RPE65: variants seen among roughly 807,000 people sequenced by gnomAD.
RPE65 encodes retinoid isomerohydrolase RPE65.
In RPE65, 58 loss-of-function variants were observed where a neutral mutation model predicts 68.5. The ratio of observed to expected loss-of-function variants is 0.85; its 90% CI spans 0.69 to 1.05. The LOEUF is 1.05. Ranked by LOEUF, RPE65 falls within the 50% of genes least tolerant of loss-of-function variation. RPE65 has a pLI of 0.00. For synonymous variants in RPE65, 220 were observed against 222.2 expected (o/e 0.99, Z 0.09); for missense variants, 643 against 629.9 (o/e 1.02, Z -0.22).
intron 1 of RPE65, among the ~76,000 whole-genome samples, chr1:68,449,426 T>C (rs1249868959): frequency 3.3e-5 from 5 of 152,222 alleles, no homozygotes; most frequent in African/African-American, 1.2e-4. Flanking sequence ...CTGACCAGAC[T>C]CAATTATAAT....
chr1:68,430,455 G>C (rs1645818090), intron 13 of RPE65, among the ~76,000 whole-genome samples: 1 of 152,190 alleles, frequency 6.6e-6, no homozygotes, highest in African/African-American at 2.4e-5. Flanking sequence ...AAATCATTTA[G>C]TGTGAAATGG....
rs1360779220 is a variant in RPE65 at position 68,444,541 on chromosome 1, G to A, written c.485C>T (p.Thr162Ile). 3 of 1,614,010 alleles carry A rather than the reference G, an allele frequency of 1.9e-6. No individual in the cohort carries two copies. Among genetic ancestry groups the A allele is most frequent in the African/African-American group, 1.3e-5 (1 of 75,010 alleles). ...ITKINPETLETIKQVDLCNYV... is the reference protein window; with the variant it reads ...ITKINPETLEIIKQVDLCNYV... Reference sequence around the variant, plus strand: ...AGCACTGTGTCCCACCTGCTTAATTGTCTCCAAGGTCTCTGGATTAATCTT... The same window carrying A: ...AGCACTGTGTCCCACCTGCTTAATTATCTCCAAGGTCTCTGGATTAATCTT... Residue 162 changes from threonine (T) to isoleucine (I), a missense_variant, in exon 5 of 14, where the codon ACA (threonine) becomes ATA (isoleucine). Physicochemically the swap from Thr to Ile is moderately conservative, Grantham distance 89. Transcript: ENST00000262340.
chr1:68,438,022 T>C (rs1353672299), intron 10 of RPE65, among the ~76,000 whole-genome samples, 165 bp downstream of exon 10: 1 of 152,200 alleles, frequency 6.6e-6, no homozygotes, highest in East Asian at 1.9e-4. Flanking sequence ...TCTTCTGAGC[T>C]TTAGTTTCAT....
intron 1 of RPE65, among the ~76,000 whole-genome samples, chr1:68,449,035 G>A (rs376600969): frequency 1.3e-5 from 2 of 151,970 alleles, no homozygotes; most frequent in Non-Finnish European, 2.9e-5. Context: ...TCCTTACTTC[G>A]GAAGACAAAT....
intron 5 of RPE65, among the ~76,000 whole-genome samples, chr1:68,442,523 A>G (rs1645910520): frequency 1.3e-5 from 2 of 152,226 alleles, no homozygotes; most frequent in Non-Finnish European, 2.9e-5. Context: ...ATATTTTAAA[A>G]AATTGCTACT....
Position 68,440,891 on chromosome 1 carries a change from A to G in RPE65, c.605T>C (p.Ile202Thr). ...TGGGATCTTTACAATGTTGTAGGCA[A>G]TTGAAAAATTTTTTCCAAAGCAATT... ...IGNCFGKNFS[I>T]AYNIVKIPPL... The change falls in exon 6 of 14, where the codon ATT (isoleucine) becomes ACT (threonine). Residue 202 changes from isoleucine (I) to threonine (T), a missense_variant. Coordinates refer to ENST00000262340, the MANE Select transcript of RPE65 (RefSeq NM_000329.3). The G allele has an allele frequency of 6.2e-7, 1 of 1,614,050 alleles. No homozygotes were observed. The highest frequency in any genetic ancestry group is 2.2e-5 in the East Asian group (1 of 44,878).
At chr1:68,441,471 G>A (rs1240561256) in intron 5 of RPE65, among the ~76,000 whole-genome samples, 3 of 151,496 alleles carry the variant, frequency 2.0e-5, no homozygotes, top group Non-Finnish European at 4.4e-5. Context: ...GAACTGAAAG[G>A]GACTTCAAGC....
intron 2 of RPE65, among the ~76,000 whole-genome samples, chr1:68,448,343 A>C (rs893654226): frequency 6.6e-6 from 1 of 152,228 alleles, no homozygotes; most frequent in African/African-American, 2.4e-5. Flanking sequence ...TAGGACATTT[A>C]CTATGTGCCA....
chr1:68,430,168 C>T (rs985580136), intron 13 of RPE65, among the ~76,000 whole-genome samples: 11 of 152,156 alleles, frequency 7.2e-5, no homozygotes, highest in African/African-American at 2.7e-4. Flanking sequence ...CTGTCTTGCT[C>T]ACTGCTATAT....
At chr1:68,430,044 C>A in intron 13 of RPE65, 117 bp from the exon 14 acceptor site, 1 of 1,352,076 alleles carries the variant, frequency 7.4e-7, no homozygotes, top group South Asian at 1.3e-5. Flanking sequence ...AACCATATGA[C>A]CTGACTTCTT....
At chr1:68,438,106 A>G in intron 10 of RPE65, 81 bp downstream of exon 10, 1 of 1,558,600 alleles carries the variant, frequency 6.4e-7, no homozygotes, top group Non-Finnish European at 8.8e-7. Flanking sequence ...GACTTTATGT[A>G]TAAACATGAG....
chr1:68,445,533 A>C (rs1645936735), intron 3 of RPE65, among the ~76,000 whole-genome samples: 1 of 151,644 alleles, frequency 6.6e-6, no homozygotes, highest in Non-Finnish European at 1.5e-5. Flanking sequence ...AATTAATTTG[A>C]GATGGAGTCT....
At chr1:68,446,046 C>G (rs764365827) in intron 3 of RPE65, among the ~76,000 whole-genome samples, 1 of 151,960 alleles carries the variant, frequency 6.6e-6, no homozygotes, top group Non-Finnish European at 1.5e-5. Flanking sequence ...GGCTTGAACA[C>G]GAAAGCAGAA....
chr1:68,448,490 A>G (rs1232116322), intron 2 of RPE65, 134 bp downstream of exon 2: 14 of 773,680 alleles, frequency 1.8e-5, no homozygotes, highest in Non-Finnish European at 2.5e-5. Flanking sequence ...TTCTTGCTAT[A>G]AAAAGCCCAA....
intron 5 of RPE65, among the ~76,000 whole-genome samples, chr1:68,442,971 A>T (rs1180433724): frequency 6.6e-6 from 1 of 152,046 alleles, no homozygotes; most frequent in Non-Finnish European, 1.5e-5. Context: ...CCAGTACTGC[A>T]TTTGTGGTTC....
chr1:68,434,111 TATATAC>T (rs142755814), intron 10 of RPE65, among the ~76,000 whole-genome samples: 59 of 142,512 alleles, frequency 4.1e-4, no homozygotes, highest in East Asian at 1.9e-3. Flanking sequence ...TATATATATA[TATATAC>T]ACACACACAC....
chr1:68,431,657 A>C (rs1426476062), intron 10 of RPE65, 72 bp from the exon 11 acceptor site: 2 of 1,304,394 alleles, frequency 1.5e-6, no homozygotes, highest in African/African-American at 2.9e-5. Flanking sequence ...AGAGTTCTTA[A>C]GTCTTGGCTC....
intron 10 of RPE65, among the ~76,000 whole-genome samples, chr1:68,432,862 C>T (rs1645836656): frequency 6.6e-6 from 1 of 152,098 alleles, no homozygotes. Context: ...CACACTAGGC[C>T]AGTAGCATTG....
intron 2 of RPE65, among the ~76,000 whole-genome samples, chr1:68,447,511 G>C (rs1033979538): frequency 6.6e-6 from 1 of 152,100 alleles, no homozygotes; most frequent in African/African-American, 2.4e-5. Flanking sequence ...GCAAAATGTG[G>C]GGTACCCAAG....
Sources: allele counts gnomAD v4.1 joint callset (sites outside exome capture counted in the v4.1 genomes callset), GRCh38; gene constraint gnomAD v4.1.1; transcripts MANE v1.5; gene names NCBI Gene and HGNC (gene_info 2026-07-23, HGNC 2026-07-21).